WWOX: variants seen among roughly 807,000 people sequenced by gnomAD.
WWOX encodes WW domain containing oxidoreductase, also known as WW domain-containing oxidoreductase.
Under a neutral mutation model 46.2 loss-of-function variants are expected in WWOX, and 69 were observed. That is an observed-to-expected ratio of 1.49 (90% CI 1.23 to 1.82). WWOX has a LOEUF of 1.82. WWOX is among the 40% of genes most tolerant of loss of function. The pLI, the probability that WWOX is intolerant of heterozygous loss-of-function variation, is 0.00. For synonymous variants in WWOX, 359 were observed against 202.6 expected, an observed-to-expected ratio of 1.77 and a Z score of -6.56; for missense variants, 919 against 542.6, an observed-to-expected ratio of 1.69 and a Z score of -6.89.
intron 5 of WWOX, among the ~76,000 whole-genome samples, chr16:78,362,918 C>G (rs1456470003): frequency 6.6e-6 from 1 of 152,140 alleles, no homozygotes; most frequent in African/African-American, 2.4e-5. Context: ...AGAATGTTAT[C>G]CTGCTCAGAT....
At chr16:78,826,592 T>G (rs554192475) in intron 8 of WWOX, among the ~76,000 whole-genome samples, 1 of 152,324 alleles carries the variant, frequency 6.6e-6, no homozygotes, top group East Asian at 1.9e-4. Flanking sequence ...CCTCTACCTT[T>G]CTGCTATGAA....
At chr16:78,166,562 T>C (rs938370344) in intron 5 of WWOX, among the ~76,000 whole-genome samples, 1 of 147,770 alleles carries the variant, frequency 6.8e-6, no homozygotes, top group Non-Finnish European at 1.5e-5. Context: ...TTCTTTTTCT[T>C]TTTTATTTTT....
intron 8 of WWOX, among the ~76,000 whole-genome samples, chr16:78,550,524 C>T (rs1029210711): frequency 5.3e-5 from 8 of 152,136 alleles, no homozygotes; most frequent in Non-Finnish European, 8.8e-5. Context: ...GACATAATTT[C>T]AAAAATCATT....
At chr16:78,928,656 C>G (rs1325521785) in intron 8 of WWOX, among the ~76,000 whole-genome samples, 1 of 144,630 alleles carries the variant, frequency 6.9e-6, no homozygotes, top group East Asian at 2.2e-4. Context: ...GTTTCTTTGA[C>G]TTACTGGAAA....
chr16:78,410,849 T>C (rs1043504120), intron 6 of WWOX, among the ~76,000 whole-genome samples: 3 of 147,544 alleles, frequency 2.0e-5, no homozygotes, highest in African/African-American at 7.4e-5. Context: ...GCCAAGGTCA[T>C]CTCAAGTCTT....
chr16:78,714,357 C>T lies in WWOX; in HGVS notation c.1056+281605C>T, dbSNP rs112491849. Among the ~76,000 whole-genome samples, 156 of 152,138 alleles carry T rather than the reference C, an allele frequency of 1.0e-3. 1 individual carries two copies. The highest frequency in any genetic ancestry group is 3.7e-3 in the African/African-American group (152 of 41,508). On this transcript the variant is annotated intron_variant, in intron 8 of 8. Coordinates refer to ENST00000566780, the MANE Select transcript of WWOX (RefSeq NM_016373.4). ...ATGGTGGCAGGCAAGAGAGCCTTTG[C>T]AAGGGAACTGCCCTTTATAAAACCA...
intron 8 of WWOX, among the ~76,000 whole-genome samples, chr16:78,730,041 G>A (rs2048932319): frequency 6.6e-6 from 1 of 152,180 alleles, no homozygotes; most frequent in African/African-American, 2.4e-5. Context: ...ATAAGTAACA[G>A]TGACTTTGAT....
chr16:78,788,138 T>A (rs533739324), intron 8 of WWOX, among the ~76,000 whole-genome samples: 3 of 152,324 alleles, frequency 2.0e-5, no homozygotes, highest in African/African-American at 7.2e-5. Flanking sequence ...GAACAAAGAT[T>A]TTAAATCTTG....
chr16:78,401,062 C>G (rs1472301917), intron 6 of WWOX, among the ~76,000 whole-genome samples: 3 of 152,224 alleles, frequency 2.0e-5, no homozygotes, highest in Non-Finnish European at 4.4e-5. Context: ...TCAAGTGATC[C>G]TCCTGCCCCT....
In WWOX at chr16:78,781,287, C is replaced by G. The variant is rs143236883; in HGVS notation, c.1056+348535C>G. Among the ~76,000 whole-genome samples, 743 of 152,202 alleles carry G rather than the reference C, an allele frequency of 4.9e-3. 4 individuals carry two copies. Among genetic ancestry groups the G allele is most frequent in the Non-Finnish European group, 8.2e-3 (561 of 68,010 alleles). ...TATAAATAGAGCTATTTTGGAAATTCTGCACCTCAATTTCTAAAAAGTTGG... is the reference window on the plus strand; with the variant it reads ...TATAAATAGAGCTATTTTGGAAATTGTGCACCTCAATTTCTAAAAAGTTGG... On this transcript the variant is annotated intron_variant, in intron 8 of 8. Coordinates refer to ENST00000566780, the MANE Select transcript of WWOX (RefSeq NM_016373.4).
intron 8 of WWOX, among the ~76,000 whole-genome samples, chr16:78,613,212 T>C (rs1432629620): frequency 1.3e-5 from 2 of 152,172 alleles, no homozygotes; most frequent in African/African-American, 4.8e-5. Flanking sequence ...TGAACGTCTA[T>C]GCCCAGGTCC....
At chr16:79,087,397 G>T (rs1641439951) in intron 8 of WWOX, among the ~76,000 whole-genome samples, 1 of 152,216 alleles carries the variant, frequency 6.6e-6, no homozygotes, top group African/African-American at 2.4e-5. Context: ...TATCTCCGTA[G>T]ACACCACTGT....
At chr16:79,043,014 T>A (rs983154146) in intron 8 of WWOX, among the ~76,000 whole-genome samples, 4 of 152,172 alleles carry the variant, frequency 2.6e-5, no homozygotes, top group African/African-American at 9.7e-5. Flanking sequence ...TGAGCTTTTC[T>A]GTTCAGTGAT....
At chr16:78,481,227 T>G (rs1295452715) in intron 8 of WWOX, among the ~76,000 whole-genome samples, 1 of 152,200 alleles carries the variant, frequency 6.6e-6, no homozygotes, top group South Asian at 2.1e-4. Flanking sequence ...CCCTTAATTT[T>G]TCTAACTGAT....
At chr16:78,404,341 G>T (rs967119459) in intron 6 of WWOX, among the ~76,000 whole-genome samples, 1 of 152,160 alleles carries the variant, frequency 6.6e-6, no homozygotes, top group African/African-American at 2.4e-5. Flanking sequence ...AACCCTAGGT[G>T]TGAGAGCACA....
intron 8 of WWOX, among the ~76,000 whole-genome samples, chr16:79,127,675 A>T (rs1469072303): frequency 6.6e-6 from 1 of 152,118 alleles, no homozygotes; most frequent in Non-Finnish European, 1.5e-5. Flanking sequence ...GGTCGTTTTC[A>T]TAGATATTGC....
chr16:78,511,005 G>T (rs1302345861), intron 8 of WWOX, among the ~76,000 whole-genome samples: 1 of 152,228 alleles, frequency 6.6e-6, no homozygotes, highest in Non-Finnish European at 1.5e-5. Flanking sequence ...CACGTGTCCA[G>T]CAGCAAAGCC....
At chr16:78,295,619 G>A (rs149320514) in intron 5 of WWOX, among the ~76,000 whole-genome samples, 2,050 of 152,316 alleles carry the variant, frequency 0.013, 18 homozygotes, top group Middle Eastern at 0.031. Context: ...GCTGAGATGG[G>A]AGAATCGCTT....
At chr16:78,521,607 A>G (rs1355586055) in intron 8 of WWOX, among the ~76,000 whole-genome samples, 2 of 152,240 alleles carry the variant, frequency 1.3e-5, no homozygotes, top group Non-Finnish European at 2.9e-5. Flanking sequence ...GCTAATATAT[A>G]TAAATTCTGA....
Sources: allele counts gnomAD v4.1 joint callset (sites outside exome capture counted in the v4.1 genomes callset), GRCh38; gene constraint gnomAD v4.1.1; transcripts MANE v1.5; gene names NCBI Gene and HGNC (gene_info 2026-07-23, HGNC 2026-07-21).